TMC2: variants seen among roughly 807,000 people sequenced by gnomAD.
TMC2 encodes transmembrane channel like 2.
A neutral mutation model predicts 105.9 loss-of-function variants in TMC2; 102 were observed. The observed-to-expected ratio is 0.96, with a 90% CI of 0.82 to 1.14. The LOEUF is 1.14. TMC2 is among the 50% of genes most tolerant of loss of function. The probability of loss-of-function intolerance (pLI) is 0.00; values close to 1 mark genes in which losing one functional copy is unlikely to be tolerated. For synonymous variants in TMC2, 402 were observed against 422.8 expected, an observed-to-expected ratio of 0.95 and a Z score of 0.60; for missense variants, 1,093 against 1,134.3, an observed-to-expected ratio of 0.96 and a Z score of 0.52.
intron 7 of TMC2, among the ~76,000 whole-genome samples, chr20:2,584,309 T>A (rs1041566847): frequency 2.1e-5 from 3 of 144,620 alleles, no homozygotes; most frequent in Non-Finnish European, 3.0e-5. Context: ...CCGGGCGTAG[T>A]GGCGGGTGCC....
chr20:2,616,993 C>T lies in TMC2; in HGVS notation c.1941-79C>T, dbSNP rs1021298997. 2.2e-5 allele frequency: 35 copies of T among 1,561,728 alleles called. No homozygotes were observed. The highest frequency in any genetic ancestry group is 1.2e-4 in the African/African-American group (9 of 74,072). On this transcript the variant is annotated intron_variant, in intron 15 of 19. Coordinates refer to ENST00000358864, the MANE Select transcript of TMC2 (RefSeq NM_080751.3). This position sits in a 1 kb window ranked among gnomAD's most constrained non-coding sequence, Gnocchi z 4.8. ...CTCGGCCTCATGCCCCTAACCCATC[C>T]GTCCCATTTCCTTCTATCACCCTTC...
At chr20:2,584,183 G>A (rs2086214966) in intron 7 of TMC2, among the ~76,000 whole-genome samples, 1 of 152,098 alleles carries the variant, frequency 6.6e-6, no homozygotes, top group African/African-American at 2.4e-5. Flanking sequence ...GGTGGCTCAC[G>A]CCTGTAATCC....
At chr20:2,630,033 C>T (rs1002655298) in intron 17 of TMC2, among the ~76,000 whole-genome samples, 1 of 152,218 alleles carries the variant, frequency 6.6e-6, no homozygotes, top group African/African-American at 2.4e-5. Context: ...TAAGGAACCA[C>T]TTTCAAATAT....
intron 12 of TMC2, 53 bp from the exon 13 acceptor site, chr20:2,612,138 A>T: frequency 6.6e-7 from 1 of 1,514,798 alleles, no homozygotes; most frequent in Non-Finnish European, 8.9e-7. Context: ...TTATGGAAAC[A>T]GTTGGACCAT....
Position 2,577,134 on chromosome 20 carries a change from C to A in TMC2, c.646-2012C>A, listed in dbSNP as rs529680117. 2.0e-5 allele frequency among the ~76,000 whole-genome samples: 3 copies of A among 151,930 alleles called. No individual in the cohort carries two copies. The East Asian group carries it at 5.8e-4, about 29-fold the overall frequency. On this transcript the variant is annotated intron_variant, in intron 5 of 19. Coordinates refer to ENST00000358864, the MANE Select transcript of TMC2 (RefSeq NM_080751.3). ...TGTTGGCCAGGCTGGTCTTGAACTC[C>A]TGCCCTCAGGTGATCCACCTGCCTC...
At chr20:2,564,869 C>A (rs1475144072) in intron 4 of TMC2, among the ~76,000 whole-genome samples, 1 of 152,204 alleles carries the variant, frequency 6.6e-6, no homozygotes, top group Non-Finnish European at 1.5e-5. Context: ...CTCTTCCTAG[C>A]TTCTTCCCTT....
chr20:2,628,776 C>T (rs377450111), intron 17 of TMC2, among the ~76,000 whole-genome samples: 2 of 152,198 alleles, frequency 1.3e-5, no homozygotes, highest in Admixed American at 1.3e-4. Context: ...ATAAATTACT[C>T]AGTCTTGGGT....
Position 2,638,356 on chromosome 20 carries a change from C to CAA in TMC2, c.2503+776_2503+777dup, listed in dbSNP as rs58078004. Among the ~76,000 whole-genome samples, 515 of 142,560 alleles carry CAA rather than the reference C, an allele frequency of 3.6e-3. 7 individuals are homozygous for CAA. The highest frequency in any genetic ancestry group is 0.013 in the South Asian group (58 of 4,486). 93.5% of individuals were successfully genotyped at this position (142,560 alleles called of 152,430 possible). ...TGGGCAACAGAGCAAGACTCCATCT[C>CAA]AAAAAAAAAAAATCTCTAGCACATA... On this transcript the variant is annotated intron_variant, in intron 19 of 19. Coordinates refer to ENST00000358864, the MANE Select transcript of TMC2 (RefSeq NM_080751.3).
chr20:2,566,500 A>G (rs1211238580), intron 4 of TMC2, among the ~76,000 whole-genome samples: 1 of 152,172 alleles, frequency 6.6e-6, no homozygotes, highest in Admixed American at 6.5e-5. Context: ...TTAATCATAG[A>G]ATTAATCAGG....
intron 7 of TMC2, among the ~76,000 whole-genome samples, chr20:2,581,816 A>C (rs1449459446): frequency 6.6e-6 from 1 of 152,250 alleles, no homozygotes; most frequent in African/African-American, 2.4e-5. Flanking sequence ...AATTTATGTA[A>C]GTTTTTAATA....
At chr20:2,554,779 C>T (rs184867948) in intron 2 of TMC2, among the ~76,000 whole-genome samples, 2,506 of 152,164 alleles carry the variant, frequency 0.016, 35 homozygotes, top group East Asian at 0.057. Context: ...AGTCTAATTC[C>T]ATTATGATCT....
Position 2,610,493 on chromosome 20 carries a change from C to A in TMC2, c.1488C>A (p.Tyr496Ter). 1.2e-6 allele frequency: 2 copies of A among 1,613,800 alleles called. No individual in the cohort carries two copies. The highest frequency in any genetic ancestry group is 8.5e-7 in the Non-Finnish European group (1 of 1,179,872). ...AAACCATCGCTGCCCTGGAGAATTACCACCCACGCACTGGACTGAAGTGGC... is the reference window on the plus strand; with the variant it reads ...AAACCATCGCTGCCCTGGAGAATTAACACCCACGCACTGGACTGAAGTGGC... ...LFETIAALEN[Y>*]HPRTGLKWQL... The change falls in exon 12 of 20, where the codon TAC (tyrosine) becomes TAA (stop). Residue 496 changes from tyrosine to a stop codon, truncating the protein, a stop_gained. Coordinates refer to ENST00000358864, the MANE Select transcript of TMC2 (RefSeq NM_080751.3). LOFTEE classifies it high-confidence loss of function.
Position 2,558,865 on chromosome 20 carries a change from C to G in TMC2, c.401+91C>G, listed in dbSNP as rs939636674. 26 of 1,336,216 alleles carry G rather than the reference C, an allele frequency of 1.9e-5. No homozygotes were observed. In the African/African-American group the frequency reaches 3.0e-4, roughly 15 times the overall value. 82.8% of individuals were successfully genotyped at this position (1,336,216 alleles called of 1,614,324 possible). Reference sequence around the variant, plus strand: ...TTCCCCCGTGAGGGACTGATGCCCCCCTCCCCGGGGAGAGGCAGCCCGTGC... The same window carrying G: ...TTCCCCCGTGAGGGACTGATGCCCCGCTCCCCGGGGAGAGGCAGCCCGTGC... On this transcript the variant is annotated intron_variant, in intron 3 of 19. Transcript: ENST00000358864. This position sits in a 1 kb window ranked among gnomAD's most constrained non-coding sequence, Gnocchi z 4.6.
intron 2 of TMC2, among the ~76,000 whole-genome samples, chr20:2,537,637 C>T (rs1392410698): frequency 6.6e-6 from 1 of 150,872 alleles, no homozygotes; most frequent in African/African-American, 2.4e-5. Context: ...GGTGGTGTGG[C>T]CAGATTCACA....
intron 2 of TMC2, among the ~76,000 whole-genome samples, chr20:2,547,214 A>G (rs1008414547): frequency 5.9e-5 from 9 of 152,328 alleles, no homozygotes; most frequent in African/African-American, 1.9e-4. Flanking sequence ...TTCATCTCCA[A>G]TAGAAAAGCA....
rs545420822 is a variant in TMC2, at chr20:2,605,015, G to A, written c.1413+2714G>A. Among the ~76,000 whole-genome samples, 306 of 152,290 alleles carry A rather than the reference G, an allele frequency of 2.0e-3. 5 individuals carry two copies. The highest frequency in any genetic ancestry group is 5.9e-3 in the African/African-American group (246 of 41,552). ...AGAATCTCTGCTTTATAGCCAAATC[G>A]AACAGAAGTTGCCAGTAACCTGGTG... On this transcript the variant is annotated intron_variant, in intron 11 of 19. Transcript: ENST00000358864.
intron 2 of TMC2, among the ~76,000 whole-genome samples, chr20:2,540,182 G>A (rs186188533): frequency 9.1e-4 from 138 of 151,508 alleles, no homozygotes; most frequent in Non-Finnish European, 1.5e-3. Context: ...AGTAGAGACC[G>A]GGTTTCACCA....
chr20:2,558,831 C>A lies in TMC2; in HGVS notation c.401+57C>A. 6 of 1,456,348 alleles carry A rather than the reference C, an allele frequency of 4.1e-6. No individual in the cohort carries two copies. The highest frequency in any genetic ancestry group is 5.5e-6 in the Non-Finnish European group (6 of 1,097,576). The allele number at this position is 1,456,348 out of a possible 1,614,324, so 90.2% of individuals were successfully genotyped here. A position where few individuals can be genotyped will look rare whatever the true frequency, so the allele number is the denominator to read the frequency against. On this transcript the variant is annotated intron_variant, in intron 3 of 19. Transcript: ENST00000358864. This position sits in a 1 kb window ranked among gnomAD's most constrained non-coding sequence, Gnocchi z 4.6. The stretch of plus-strand genomic sequence containing the variant: ...TCCGCGCGCTCCCGCTCCTTCGCGG[C>A]CCTTCCCCTTCCCCCGTGAGGGACT...
At chr20:2,560,647 C>T (rs1223899428) in intron 3 of TMC2, among the ~76,000 whole-genome samples, 1 of 151,980 alleles carries the variant, frequency 6.6e-6, no homozygotes, top group East Asian at 1.9e-4. Flanking sequence ...ATCATCCTGG[C>T]TAACATGGTG....
Sources: allele counts gnomAD v4.1 joint callset (sites outside exome capture counted in the v4.1 genomes callset), GRCh38; gene constraint gnomAD v4.1.1; non-coding constraint Gnocchi (gnomAD v3.1); transcripts MANE v1.5; gene names NCBI Gene and HGNC (gene_info 2026-07-23, HGNC 2026-07-21).